Variants in SLCO6A1 observed in about 807,000 individuals in gnomAD.
SLCO6A1 encodes the protein cancer/testis antigen 48.
A neutral mutation model predicts 72.7 loss-of-function variants in SLCO6A1; 65 were observed. The ratio of observed to expected loss-of-function variants is 0.89; its 90% CI spans 0.73 to 1.10. SLCO6A1 has a LOEUF of 1.10. Among genes scored for constraint, SLCO6A1 ranks in the 50% least tolerant of loss-of-function variants. The probability of loss-of-function intolerance (pLI) is 0.00; values close to 1 mark genes in which losing one functional copy is unlikely to be tolerated. For missense variants in SLCO6A1, 874 were observed against 872.6 expected (o/e 1.00, Z -0.02); for synonymous variants, 314 against 298.2 (o/e 1.05, Z -0.55).
At position 102,430,558 on chromosome 5, in the gene SLCO6A1, A is replaced by C. The variant is rs188639469; in HGVS notation, c.1276+8059T>G. 6.4e-4 allele frequency among the ~76,000 whole-genome samples: 98 copies of C among 152,234 alleles called. 3 individuals carry two copies. The highest frequency in any genetic ancestry group is 2.2e-3 in the African/African-American group (90 of 41,554). ...CATTTCTTCATCTATTCAGATGATC[A>C]TGTGGTTTTCACTTTAGTTCTATTT... On this transcript the variant is annotated intron_variant, in intron 7 of 13. Coordinates refer to ENST00000506729, the MANE Select transcript of SLCO6A1 (RefSeq NM_173488.5).
At chr5:102,395,477 T>C (rs1369794165) in intron 10 of SLCO6A1, among the ~76,000 whole-genome samples, 2 of 152,214 alleles carry the variant, frequency 1.3e-5, no homozygotes, top group Non-Finnish European at 2.9e-5. Context: ...TCTTTGCTAT[T>C]GTGAATAGTG....
intron 9 of SLCO6A1, among the ~76,000 whole-genome samples, chr5:102,408,372 C>A (rs1231966257): frequency 7.0e-6 from 1 of 142,314 alleles, no homozygotes. Flanking sequence ...TAATAGTTCC[C>A]AAAAATACAG....
Position 102,373,317 on chromosome 5 carries a change from T to A in SLCO6A1, c.*15+20A>T, listed in dbSNP as rs777313283. 1 of 1,439,886 alleles carries A rather than the reference T, an allele frequency of 6.9e-7. No individual in the cohort carries two copies. The highest frequency in any genetic ancestry group is 1.7e-5 in the South Asian group (1 of 59,902). The allele number at this position is 1,439,886 out of a possible 1,614,324, so 89.2% of individuals were successfully genotyped here. A position where few individuals can be genotyped will look rare whatever the true frequency, so the allele number is the denominator to read the frequency against. On this transcript the variant is annotated intron_variant, in intron 13 of 13. Coordinates refer to ENST00000506729, the MANE Select transcript of SLCO6A1 (RefSeq NM_173488.5). Reference sequence around the variant, plus strand: ...TAATATTAATATTTCATTGATAGATTGACAATGTGTAATTCTTACACAATG... The same window carrying A: ...TAATATTAATATTTCATTGATAGATAGACAATGTGTAATTCTTACACAATG...
At chr5:102,490,841 C>G (rs1180992217) in intron 1 of SLCO6A1, among the ~76,000 whole-genome samples, 2 of 152,154 alleles carry the variant, frequency 1.3e-5, no homozygotes, top group Admixed American at 1.3e-4. Context: ...CAGTGTGGAC[C>G]CAAAGAGTGA....
At chr5:102,419,303 C>G (rs1748458235) in intron 8 of SLCO6A1, among the ~76,000 whole-genome samples, 1 of 152,164 alleles carries the variant, frequency 6.6e-6, no homozygotes, top group Non-Finnish European at 1.5e-5. Context: ...AAGTCTTAAA[C>G]TCTTATTTTA....
In SLCO6A1 at chr5:102,393,919, CA is replaced by C. The variant is rs1746913309; in HGVS notation, c.1815-2875del. ...TGAAGCCCTTCACTGCTTCAGATTT[CA>C]GCAAATTTCTCAAGAAGAAAAATTA... On this transcript the variant is annotated intron_variant, in intron 10 of 13. Coordinates refer to ENST00000506729, the MANE Select transcript of SLCO6A1 (RefSeq NM_173488.5). Among the ~76,000 whole-genome samples the C allele has an allele frequency of 2.6e-5, 4 of 152,158 alleles. No individual in the cohort carries two copies. The South Asian group carries it at 8.3e-4, about 31-fold the overall frequency.
At chr5:102,482,333 A>G (rs1352127631) in intron 1 of SLCO6A1, among the ~76,000 whole-genome samples, 1 of 152,202 alleles carries the variant, frequency 6.6e-6, no homozygotes, top group African/African-American at 2.4e-5. Flanking sequence ...TGAATCCACA[A>G]GACAAGCAAG....
At chr5:102,446,878 C>T (rs1013796240) in intron 6 of SLCO6A1, among the ~76,000 whole-genome samples, 2 of 152,172 alleles carry the variant, frequency 1.3e-5, no homozygotes, top group Non-Finnish European at 2.9e-5. Context: ...CCTCAGCCTC[C>T]CAAGTGGCTG....
At chr5:102,491,036 T>C (rs1416176382) in intron 1 of SLCO6A1, among the ~76,000 whole-genome samples, 1 of 152,076 alleles carries the variant, frequency 6.6e-6, no homozygotes. Flanking sequence ...GGGCGCTGAT[T>C]GGTGCGTTTA....
At chr5:102,410,070 C>T (rs1165631737) in intron 9 of SLCO6A1, among the ~76,000 whole-genome samples, 1 of 152,000 alleles carries the variant, frequency 6.6e-6, no homozygotes, top group Admixed American at 6.6e-5. Flanking sequence ...ATCCTGTGTC[C>T]AGGAAGAATG....
At chr5:102,408,411 G>C (rs1346649469) in intron 9 of SLCO6A1, among the ~76,000 whole-genome samples, 2 of 152,034 alleles carry the variant, frequency 1.3e-5, no homozygotes, top group African/African-American at 4.8e-5. Context: ...AAATAGCTAA[G>C]AATTTTTCAA....
At chr5:102,427,842 A>G (rs1341489683) in intron 7 of SLCO6A1, among the ~76,000 whole-genome samples, 98 of 86,350 alleles carry the variant, frequency 1.1e-3, no homozygotes, top group East Asian at 4.1e-3. Context: ...GTGTGTATGT[A>G]TACATATATA....
intron 12 of SLCO6A1, among the ~76,000 whole-genome samples, chr5:102,377,374 A>C (rs1000224679): frequency 5.3e-5 from 8 of 152,164 alleles, no homozygotes; most frequent in African/African-American, 1.9e-4. Flanking sequence ...CAAGATACAC[A>C]CGTAGAAGAG....
chr5:102,414,127 G>T (rs1199460962), intron 8 of SLCO6A1, among the ~76,000 whole-genome samples: 1 of 151,734 alleles, frequency 6.6e-6, no homozygotes, highest in Non-Finnish European at 1.5e-5. Context: ...TTATGTGTTT[G>T]GTGTCACATC....
At chr5:102,458,350 T>G (rs1258796148) in intron 6 of SLCO6A1, 32 bp downstream of exon 6, 11 of 1,491,678 alleles carry the variant, frequency 7.4e-6, no homozygotes, top group Non-Finnish European at 1.0e-5. Flanking sequence ...GTCAACTTAG[T>G]TGGATTGTTC....
In SLCO6A1 at chr5:102,395,727, A is replaced by G. The variant is rs1446718956; in HGVS notation, c.1814+3828T>C. ...CCTGTTTCCTGACTTTTTAATGATCACCATTCTAACTGGTGTGAGATGGTA... is the reference window on the plus strand; with the variant it reads ...CCTGTTTCCTGACTTTTTAATGATCGCCATTCTAACTGGTGTGAGATGGTA... On this transcript the variant is annotated intron_variant, in intron 10 of 13. Coordinates refer to ENST00000506729, the MANE Select transcript of SLCO6A1 (RefSeq NM_173488.5). Among the ~76,000 whole-genome samples, 5 of 152,142 alleles carry G rather than the reference A, an allele frequency of 3.3e-5. No homozygotes were observed. In the South Asian group the frequency reaches 1.0e-3, roughly 32 times the overall value.
intron 13 of SLCO6A1, among the ~76,000 whole-genome samples, chr5:102,372,399 A>T (rs998373418): frequency 2.6e-5 from 4 of 152,022 alleles, no homozygotes; most frequent in African/African-American, 9.7e-5. Context: ...ACAAAGAAAC[A>T]TTGTAGAGAA....
At chr5:102,377,635 A>G (rs1007742715) in intron 12 of SLCO6A1, among the ~76,000 whole-genome samples, 1 of 151,538 alleles carries the variant, frequency 6.6e-6, no homozygotes, top group Admixed American at 6.6e-5. Flanking sequence ...ATTGTTTGAT[A>G]TATATATATA....
intron 10 of SLCO6A1, among the ~76,000 whole-genome samples, chr5:102,396,727 A>G (rs771051544): frequency 6.6e-6 from 1 of 152,146 alleles, no homozygotes; most frequent in Non-Finnish European, 1.5e-5. Flanking sequence ...AGGAAATTGT[A>G]AAAATAGTAC....
Sources: gnomAD v4.1 joint callset for allele counts (sites outside exome capture counted in the v4.1 genomes callset) on GRCh38, gnomAD v4.1.1 for gene constraint, MANE v1.5 for transcripts, NCBI Gene and HGNC (gene_info 2026-07-23, HGNC 2026-07-21) for gene names.